Variants in PALS2 observed in about 807,000 individuals in gnomAD.
PALS2 encodes protein associated with LIN7 2, MAGUK p55 family member, also known as protein PALS2.
PALS2 carries 27 observed loss-of-function variants against 61.6 expected under a neutral mutation model. The observed-to-expected ratio is 0.44, with a 90% CI of 0.32 to 0.60. The LOEUF (loss-of-function observed/expected upper bound fraction) is 0.60, where lower values mean the gene tolerates loss of function less well. PALS2 is among the 20% of genes least tolerant of loss of function. PALS2 has a pLI of 0.05. For missense variants in PALS2, 554 were observed against 639.4 expected (o/e 0.87, Z 1.44); for synonymous variants, 236 against 218.6 (o/e 1.08, Z -0.70).
intron 1 of PALS2, among the ~76,000 whole-genome samples, chr7:24,595,235 T>C (rs1400571452): frequency 1.3e-5 from 2 of 151,240 alleles, no homozygotes; most frequent in African/African-American, 4.9e-5. Flanking sequence ...GCTATTAAGA[T>C]AGGCAATACG....
chr7:24,681,152 T>G (rs551269399), intron 11 of PALS2, among the ~76,000 whole-genome samples: 1 of 152,192 alleles, frequency 6.6e-6, no homozygotes, highest in East Asian at 1.9e-4. Context: ...ATGTTTATTA[T>G]ATGGTTTATC....
At chr7:24,625,771 T>G (rs1784713855) in intron 2 of PALS2, among the ~76,000 whole-genome samples, 1 of 152,044 alleles carries the variant, frequency 6.6e-6, no homozygotes, top group Non-Finnish European at 1.5e-5. Flanking sequence ...ATGATAAAAA[T>G]GAAATAAAGC....
At chr7:24,665,709 G>A in intron 7 of PALS2, 22 bp downstream of exon 7, 2 of 1,590,434 alleles carry the variant, frequency 1.3e-6, no homozygotes, top group Non-Finnish European at 1.7e-6. Context: ...GACACAATAA[G>A]TAACAAGCAG....
chr7:24,614,464 C>G (rs1784221746), intron 1 of PALS2, among the ~76,000 whole-genome samples: 1 of 151,854 alleles, frequency 6.6e-6, no homozygotes, highest in African/African-American at 2.4e-5. Context: ...TTGACTTCTC[C>G]CTTTCCAATT....
At chr7:24,617,372 T>G (rs1004730655) in intron 1 of PALS2, among the ~76,000 whole-genome samples, 5 of 152,252 alleles carry the variant, frequency 3.3e-5, no homozygotes, top group African/African-American at 1.2e-4. Flanking sequence ...TTGTGATATT[T>G]TGTATATTTC....
chr7:24,607,573 A>ATGTGTGTATATATACATATATG (rs781689826), intron 1 of PALS2, among the ~76,000 whole-genome samples: 3 of 138,912 alleles, frequency 2.2e-5, no homozygotes, highest in South Asian at 2.4e-4. Flanking sequence ...ATATACATAT[A>ATGTGTGTATATATACATATATG]TGTGTGTATA....
At chr7:24,678,627 A>G (rs1562662389) in intron 9 of PALS2, among the ~76,000 whole-genome samples, 2 of 152,316 alleles carry the variant, frequency 1.3e-5, no homozygotes, top group South Asian at 4.1e-4. Flanking sequence ...GATGTAATAG[A>G]TTCCTAAGGA....
chr7:24,612,047 G>A (rs925196085), intron 1 of PALS2, among the ~76,000 whole-genome samples: 2 of 151,936 alleles, frequency 1.3e-5, no homozygotes, highest in Non-Finnish European at 2.9e-5. Flanking sequence ...TCTTTGCTGT[G>A]TCTGTTTCTA....
chr7:24,576,792 A>G (rs1278462832), intron 1 of PALS2, among the ~76,000 whole-genome samples: 1 of 152,188 alleles, frequency 6.6e-6, no homozygotes, highest in African/African-American at 2.4e-5. Context: ...CCTCTTATAA[A>G]AAGCTTTTGG....
chr7:24,674,534 A>G (rs569732486), intron 9 of PALS2: 1 of 152,400 alleles, frequency 6.6e-6, no homozygotes, highest in Non-Finnish European at 1.5e-5. Flanking sequence ...TCTTCAGGGT[A>G]ATGAACATGC....
At position 24,615,006 on chromosome 7, in the gene PALS2, A is replaced by G. The variant is rs537874534; in HGVS notation, c.-2-8660A>G. Among the ~76,000 whole-genome samples, 45 of 152,144 alleles carry G rather than the reference A, an allele frequency of 3.0e-4. No individual in the cohort carries two copies. In the East Asian group the frequency reaches 8.1e-3, roughly 27 times the overall value. ...AGTAACAAGAGAAACATAAAACTGT[A>G]CAAAAACATGGAATTTCAACCACAT... On this transcript the variant is annotated intron_variant, in intron 1 of 11. Transcript: ENST00000222644.
chr7:24,668,522 A>T lies in PALS2; in HGVS notation c.976A>T (p.Ile326Leu), dbSNP rs760500902. The T allele has an allele frequency of 4.3e-6, 7 of 1,613,022 alleles. No individual in the cohort carries two copies. Among genetic ancestry groups the T allele is most frequent in the South Asian group, 2.2e-5 (2 of 90,960 alleles). Residue 326 changes from isoleucine (I) to leucine (L), a missense_variant, in exon 9 of 12, where the codon ATA becomes TTA. Physicochemically the swap from Ile to Leu is conservative, Grantham distance 5 (BLOSUM62 2). Transcript: ENST00000222644. ...NAEFDRHEIQ[I>L]YEEVAKMPPF... Reference sequence around the variant, plus strand: ...AGAATTTGATCGTCATGAAATCCAGATATATGAGGAGGTAGCCAAAATGCC... The same window carrying T: ...AGAATTTGATCGTCATGAAATCCAGTTATATGAGGAGGTAGCCAAAATGCC...
chr7:24,668,811 T>C, intron 9 of PALS2, 151 bp downstream of exon 9: 1 of 972,010 alleles, frequency 1.0e-6, no homozygotes, highest in East Asian at 2.6e-5. Flanking sequence ...CATTGAAAAA[T>C]TTAGTAATTC....
chr7:24,592,155 T>C (rs926437996), intron 1 of PALS2, among the ~76,000 whole-genome samples: 1 of 152,156 alleles, frequency 6.6e-6, no homozygotes, highest in Non-Finnish European at 1.5e-5. Flanking sequence ...AAAAGCTCTG[T>C]AAGTATCGAT....
intron 1 of PALS2, among the ~76,000 whole-genome samples, chr7:24,585,011 C>T (rs1362750843): frequency 1.3e-5 from 2 of 151,628 alleles, no homozygotes; most frequent in African/African-American, 2.4e-5. Context: ...TGTTCTGTTC[C>T]ATTGATCTAT....
At chr7:24,663,097 GTATT>G (rs1286313463) in intron 5 of PALS2, among the ~76,000 whole-genome samples, 6 of 151,680 alleles carry the variant, frequency 4.0e-5, no homozygotes, top group African/African-American at 1.5e-4. Flanking sequence ...GATTAAAAAA[GTATT>G]TAAGGCTACC....
rs1788386467 is a variant in PALS2, at chr7:24,689,788, G to C, written c.*2174G>C. 6.6e-6 allele frequency: 1 copy of C among 150,476 alleles called. No individual in the cohort carries two copies. The highest frequency in any genetic ancestry group is 2.5e-5 in the African/African-American group (1 of 40,470). The allele number at this position is 150,476 out of a possible 1,614,324, so 9.3% of individuals were successfully genotyped here. A position where few individuals can be genotyped will look rare whatever the true frequency, so the allele number is the denominator to read the frequency against. ...GCACAGTATCAAGGTGATGCCCTAT[G>C]ACAATGTTTCAACACACACTTGAAA... On this transcript the variant is annotated 3_prime_UTR_variant, in exon 12 of 12. Transcript: ENST00000222644.
At chr7:24,645,153 A>G (rs779015836) in intron 3 of PALS2, among the ~76,000 whole-genome samples, 1 of 152,130 alleles carries the variant, frequency 6.6e-6, no homozygotes, top group Non-Finnish European at 1.5e-5. Flanking sequence ...TCATTTGTCA[A>G]TATTGGCTTT....
intron 9 of PALS2, among the ~76,000 whole-genome samples, chr7:24,672,316 C>T (rs956417718): frequency 1.3e-5 from 2 of 151,964 alleles, no homozygotes; most frequent in African/African-American, 2.4e-5. Context: ...CAGCCTCCAC[C>T]TCCTGGATTC....
Sources: gnomAD v4.1 joint callset for allele counts (sites outside exome capture counted in the v4.1 genomes callset) on GRCh38, gnomAD v4.1.1 for gene constraint, MANE v1.5 for transcripts, NCBI Gene and HGNC (gene_info 2026-07-23, HGNC 2026-07-21) for gene names.